The following UNC5D variants were observed in gnomAD, a reference collection of about 807,000 sequenced individuals.
UNC5D encodes netrin receptor UNC5D.
In UNC5D, 39 loss-of-function variants were observed where a neutral mutation model predicts 105.4. The observed-to-expected ratio is 0.37, with a 90% confidence interval of 0.29 to 0.48. The LOEUF (loss-of-function observed/expected upper bound fraction) is 0.48. UNC5D is among the 20% of genes least tolerant of loss of function. The pLI is 0.98. For missense variants in UNC5D, 991 were observed against 1,202.4 expected (o/e 0.82, Z 2.60); for synonymous variants, 452 against 450.4 (o/e 1.00, Z -0.04).
intron 4 of UNC5D, among the ~76,000 whole-genome samples, chr8:35,615,224 A>T (rs933724228): frequency 6.6e-6 from 1 of 152,106 alleles, no homozygotes; most frequent in East Asian, 1.9e-4. Flanking sequence ...GGGGCCAGAG[A>T]TAACATTACA....
At chr8:35,528,526 T>C (rs1214341136) in intron 1 of UNC5D, among the ~76,000 whole-genome samples, 1 of 146,596 alleles carries the variant, frequency 6.8e-6, no homozygotes, top group Non-Finnish European at 1.5e-5. Context: ...TGTGTCTTTA[T>C]AGCAGCATGA....
At chr8:35,594,766 C>T (rs1300579538) in intron 3 of UNC5D, among the ~76,000 whole-genome samples, 2 of 152,170 alleles carry the variant, frequency 1.3e-5, no homozygotes, top group Admixed American at 6.5e-5. Context: ...CTGGTTAACA[C>T]TCAGCCTGGG....
At chr8:35,737,250 C>CTGTGTGTGTG (rs1491142545) in intron 11 of UNC5D, among the ~76,000 whole-genome samples, 1 of 122,442 alleles carries the variant, frequency 8.2e-6, no homozygotes, top group African/African-American at 3.4e-5. Context: ...GCAAGATCTG[C>CTGTGTGTGTG]TCTGTGTGTG....
At chr8:35,348,917 TA>T (rs1486250840) in intron 1 of UNC5D, among the ~76,000 whole-genome samples, 1 of 151,924 alleles carries the variant, frequency 6.6e-6, no homozygotes, top group East Asian at 1.9e-4. Context: ...TAGTAAACTT[TA>T]TTACATTTAG....
At chr8:35,379,942 G>A (rs562059492) in intron 1 of UNC5D, among the ~76,000 whole-genome samples, 7 of 150,604 alleles carry the variant, frequency 4.6e-5, no homozygotes, top group Non-Finnish European at 1.0e-4. Context: ...ATGAAGTACT[G>A]TAGACTAGGT....
chr8:35,455,615 T>G (rs960954861), intron 1 of UNC5D, among the ~76,000 whole-genome samples: 3 of 151,900 alleles, frequency 2.0e-5, no homozygotes, highest in Non-Finnish European at 2.9e-5. Flanking sequence ...CTTGTTGTAT[T>G]CATCTCTTTT....
At chr8:35,580,803 A>G (rs935394979) in intron 3 of UNC5D, among the ~76,000 whole-genome samples, 1 of 152,224 alleles carries the variant, frequency 6.6e-6, no homozygotes, top group Non-Finnish European at 1.5e-5. Flanking sequence ...ACTCCTTCCC[A>G]AAGTTTGACT....
intron 1 of UNC5D, among the ~76,000 whole-genome samples, chr8:35,482,339 C>A (rs889599349): frequency 6.6e-6 from 1 of 152,162 alleles, no homozygotes; most frequent in Non-Finnish European, 1.5e-5. Flanking sequence ...TATTGATAAA[C>A]TTGACTAAGT....
chr8:35,724,552 T>C (rs1828757910), intron 9 of UNC5D, among the ~76,000 whole-genome samples: 1 of 152,166 alleles, frequency 6.6e-6, no homozygotes, highest in African/African-American at 2.4e-5. Flanking sequence ...TGGCAGCCAA[T>C]TTTCTCTGAC....
intron 1 of UNC5D, among the ~76,000 whole-genome samples, chr8:35,243,298 C>T (rs1585395996): frequency 6.6e-6 from 1 of 152,054 alleles, no homozygotes; most frequent in African/African-American, 2.4e-5. Flanking sequence ...GACAAACAGC[C>T]ACTTATAAAA....
chr8:35,252,575 G>A (rs1035236262), intron 1 of UNC5D, among the ~76,000 whole-genome samples: 1 of 152,008 alleles, frequency 6.6e-6, no homozygotes, highest in African/African-American at 2.4e-5. Context: ...CTGTATTACT[G>A]CATTTACTAT....
chr8:35,484,573 G>A (rs1810709701), intron 1 of UNC5D, among the ~76,000 whole-genome samples: 1 of 151,988 alleles, frequency 6.6e-6, no homozygotes, highest in South Asian at 2.1e-4. Flanking sequence ...CCCTTCCATG[G>A]CTTCCCACTG....
chr8:35,606,682 A>G (rs946156728), intron 4 of UNC5D, among the ~76,000 whole-genome samples: 1 of 152,184 alleles, frequency 6.6e-6, no homozygotes, highest in Non-Finnish European at 1.5e-5. Context: ...TGTTGAAGAC[A>G]TAAATTTAAA....
chr8:35,402,897 T>A (rs1804563850), intron 1 of UNC5D, among the ~76,000 whole-genome samples: 1 of 152,158 alleles, frequency 6.6e-6, no homozygotes. Flanking sequence ...TCCATATTCG[T>A]GCCTACCTTG....
intron 1 of UNC5D, among the ~76,000 whole-genome samples, chr8:35,405,797 G>T (rs1306502561): frequency 6.6e-6 from 1 of 151,688 alleles, no homozygotes; most frequent in African/African-American, 2.4e-5. Flanking sequence ...CTTCTTTCTT[G>T]TAGGAAAATA....
intron 8 of UNC5D, chr8:35,721,446 A>G (rs185692511): frequency 1.0e-4 from 70 of 702,950 alleles, no homozygotes; most frequent in Admixed American, 2.6e-4. Context: ...TTGCCCATGC[A>G]TTCAATAGGA....
intron 1 of UNC5D, among the ~76,000 whole-genome samples, chr8:35,298,635 G>A (rs959245509): frequency 1.4e-5 from 2 of 142,990 alleles, no homozygotes; most frequent in Non-Finnish European, 3.0e-5. Flanking sequence ...GAGAAGGGCT[G>A]ATAAAGTATG....
chr8:35,240,270 T>C (rs1802724448), intron 1 of UNC5D, among the ~76,000 whole-genome samples: 2 of 152,184 alleles, frequency 1.3e-5, no homozygotes. Context: ...ACTTTCTAAA[T>C]GGCTACTGCC....
chr8:35,693,046 A>C (rs1586452712), intron 7 of UNC5D, among the ~76,000 whole-genome samples: 1 of 152,196 alleles, frequency 6.6e-6, no homozygotes, highest in East Asian at 1.9e-4. Context: ...GCCCCAAATA[A>C]ATGCTTTCCC....
Sources: gnomAD v4.1 joint callset for allele counts (sites outside exome capture counted in the v4.1 genomes callset) on GRCh38, gnomAD v4.1.1 for gene constraint, MANE v1.5 for transcripts, NCBI Gene and HGNC (gene_info 2026-07-23, HGNC 2026-07-21) for gene names.